The following FABP5 variants were observed in gnomAD, a reference collection of about 807,000 sequenced individuals.
The protein encoded by FABP5 is fatty acid-binding protein 5.
In FABP5, 7 loss-of-function variants were observed where a neutral mutation model predicts 16.9. The observed-to-expected ratio is 0.41, with a 90% CI of 0.24 to 0.78. The LOEUF is 0.78. Ranked by LOEUF, FABP5 falls within the 30% of genes least tolerant of loss-of-function variation. The probability of loss-of-function intolerance (pLI) is 0.30; values close to 1 mark genes in which losing one functional copy is unlikely to be tolerated. For missense variants in FABP5, 119 were observed against 159.5 expected (o/e 0.75, Z 1.37); for synonymous variants, 37 against 52.8 (o/e 0.70, Z 1.30).
chr8:81,280,584 C>T lies in FABP5; in HGVS notation c.-12C>T, dbSNP rs1391037280. Reference sequence around the variant, plus strand: ...AGACCCCTCTCTGCACGCCAGCCCGCCCGCACCCACCATGGCCACAGTTCA... The same window carrying T: ...AGACCCCTCTCTGCACGCCAGCCCGTCCGCACCCACCATGGCCACAGTTCA... On this transcript the variant is annotated 5_prime_UTR_variant, in exon 1 of 4. Coordinates refer to ENST00000297258, the MANE Select transcript of FABP5 (RefSeq NM_001444.3). 1 of 1,552,174 alleles carries T rather than the reference C, an allele frequency of 6.4e-7. No homozygotes were observed.
rs1190690497 is a variant in FABP5 at position 81,283,924 on chromosome 8, G to A, written c.304G>A (p.Gly102Arg). 6.2e-7 allele frequency: 1 copy of A among 1,612,496 alleles called. No individual in the cohort carries two copies. Among genetic ancestry groups the A allele is most frequent in the Non-Finnish European group, 8.5e-7 (1 of 1,179,316 alleles). The change falls in exon 3 of 4, where the codon GGG becomes AGG. Residue 102 changes from glycine to arginine, a missense_variant. Gly to Arg is a moderately radical substitution (Grantham distance 125). Transcript: ENST00000297258. ...GALVQHQEWD[G>R]KESTITRKLK... is the part of the protein sequence containing the mutation. ...ATTGGTTCAGCATCAGGAGTGGGAT[G>A]GGAAGGAAAGCACAATAACAAGAAA... is the stretch of plus-strand genomic sequence containing the variant.
chr8:81,280,951 T>G (rs1807819251), intron 1 of FABP5: 1 of 415,782 alleles, frequency 2.4e-6, no homozygotes, highest in Admixed American at 3.9e-5. Flanking sequence ...TCTGCTTCTT[T>G]CCCTTCGCCC....
intron 1 of FABP5, among the ~76,000 whole-genome samples, chr8:81,282,805 A>G (rs1807852911): frequency 1.3e-5 from 2 of 152,152 alleles, no homozygotes; most frequent in Non-Finnish European, 2.9e-5. Context: ...TGTGTAGTCT[A>G]TTAATCAAAT....
Position 81,281,663 on chromosome 8 carries a change from A to C in FABP5, c.79+989A>C. 1.0e-6 allele frequency: 1 copy of C among 985,392 alleles called. No homozygotes were observed. The highest frequency in any genetic ancestry group is 1.2e-6 in the Non-Finnish European group (1 of 829,870). 61.0% of individuals were successfully genotyped at this position (985,392 alleles called of 1,614,324 possible). Reference sequence around the variant, plus strand: ...TCTTGAAGCGTTCCGAGGGAGAATGAATCTCAGTAGTAAGATTCATTTCTC... The same window carrying C: ...TCTTGAAGCGTTCCGAGGGAGAATGCATCTCAGTAGTAAGATTCATTTCTC... On this transcript the variant is annotated intron_variant, in intron 1 of 3. Coordinates refer to ENST00000297258, the MANE Select transcript of FABP5 (RefSeq NM_001444.3). The surrounding 1 kb of genome is among the most constrained non-coding windows in gnomAD (Gnocchi z 4.5).
In FABP5 at chr8:81,281,578, T is replaced by C; in HGVS notation, c.79+904T>C. On this transcript the variant is annotated intron_variant, in intron 1 of 3. Transcript: ENST00000297258. This position sits in a 1 kb window ranked among gnomAD's most constrained non-coding sequence, Gnocchi z 4.5. ...CTGGAAAACCGTAACAGAAACTGCC[T>C]GGCCCTCCTGCGGCTAACTGCATGC... 3.0e-6 allele frequency: 3 copies of C among 985,642 alleles called. No individual in the cohort carries two copies. The highest frequency in any genetic ancestry group is 3.6e-6 in the Non-Finnish European group (3 of 830,074). The allele number at this position is 985,642 out of a possible 1,614,324, so 61.1% of individuals were successfully genotyped here. A position where few individuals can be genotyped will look rare whatever the true frequency, so the allele number is the denominator to read the frequency against.
At chr8:81,283,253 A>G in intron 1 of FABP5, 113 bp from the exon 2 acceptor site, 1 of 882,938 alleles carries the variant, frequency 1.1e-6, no homozygotes, top group Non-Finnish European at 1.7e-6. Flanking sequence ...GTTATCAATA[A>G]GCAAATAAGT....
intron 1 of FABP5, 55 bp downstream of exon 1, chr8:81,280,729 T>G (rs1286433439): frequency 6.8e-7 from 1 of 1,476,288 alleles, no homozygotes; most frequent in Admixed American, 2.0e-5. Flanking sequence ...CGGTCGTCTG[T>G]CCCTAGGTCC....
Position 81,283,397 on chromosome 8 carries a change from A to T in FABP5, c.111A>T (p.Ala37=), listed in dbSNP as rs932455840. The change falls in exon 2 of 4, where the codon GCA becomes GCT. Residue 37 remains alanine (A), a synonymous_variant. Transcript: ENST00000297258. The part of the protein sequence containing the change: ...GVGIALRKMG[A]MAKPDCIITC... Reference sequence around the variant, plus strand: ...GAATAGCTTTGCGAAAAATGGGCGCAATGGCCAAGCCAGATTGTATCATCA... The same window carrying T: ...GAATAGCTTTGCGAAAAATGGGCGCTATGGCCAAGCCAGATTGTATCATCA... The T allele has an allele frequency of 1.3e-6, 2 of 1,599,132 alleles. No individual in the cohort carries two copies. Among genetic ancestry groups the T allele is most frequent in the African/African-American group, 2.7e-5 (2 of 74,286 alleles).
intron 1 of FABP5, 95 bp downstream of exon 1, chr8:81,280,769 G>A (rs912314520): frequency 2.2e-5 from 26 of 1,196,270 alleles, no homozygotes; most frequent in Non-Finnish European, 2.6e-5. Context: ...TGGGGCAGGA[G>A]ATGCTCGGCG....
In FABP5 at chr8:81,284,506, T is replaced by C; in HGVS notation, c.355-8T>C. On this transcript the variant is annotated splice_region_variant and splice_polypyrimidine_tract_variant and intron_variant, in intron 3 of 3. Transcript: ENST00000297258. ...ACCTAACTCTTTTAATATCTTTCCTTCTTCTAGGAGTGTGTCATGAACAAT... is the reference window on the plus strand; with the variant it reads ...ACCTAACTCTTTTAATATCTTTCCTCCTTCTAGGAGTGTGTCATGAACAAT... The C allele has an allele frequency of 1.9e-6, 3 of 1,595,226 alleles. No homozygotes were observed. Among genetic ancestry groups the C allele is most frequent in the South Asian group, 2.2e-5 (2 of 90,550 alleles).
At chr8:81,283,272 G>A (rs1211622150) in intron 1 of FABP5, 94 bp from the exon 2 acceptor site, 4 of 1,064,162 alleles carry the variant, frequency 3.8e-6, no homozygotes, top group Non-Finnish European at 5.4e-6. Context: ...GTGAAAATAT[G>A]CCGCACAAAG....
rs113175527 is a variant in FABP5 at position 81,283,222 on chromosome 8, G to A, written c.80-144G>A. ...TATATGTAAAGTGCTGGCTCATACCGTGGGATATATGTTTACAATAGTTAT... is the reference window on the plus strand; with the variant it reads ...TATATGTAAAGTGCTGGCTCATACCATGGGATATATGTTTACAATAGTTAT... On this transcript the variant is annotated intron_variant, in intron 1 of 3. Transcript: ENST00000297258. 310 of 663,832 alleles carry A rather than the reference G, an allele frequency of 4.7e-4. 1 individual carries two copies. The highest frequency in any genetic ancestry group is 4.4e-3 in the African/African-American group (237 of 53,972). The allele number at this position is 663,832 out of a possible 1,614,324, so 41.1% of individuals were successfully genotyped here.
In FABP5 at chr8:81,280,543, G is replaced by A. The variant is rs2131266554; in HGVS notation, c.-53G>A. The A allele has an allele frequency of 2.0e-6, 3 of 1,532,272 alleles. No homozygotes were observed. In the African/African-American group the frequency reaches 4.2e-5, roughly 21 times the overall value. The allele number at this position is 1,532,272 out of a possible 1,614,324, so 94.9% of individuals were successfully genotyped here. A position where few individuals can be genotyped will look rare whatever the true frequency, so the allele number is the denominator to read the frequency against. ...GCCGGCGCCGGGTGCCTCACAGCAC[G>A]CTGCCACGCCGACGCAGACCCCTCT... On this transcript the variant is annotated 5_prime_UTR_variant, in exon 1 of 4. Transcript: ENST00000297258.
rs899760932 is a variant in FABP5, at chr8:81,281,698, A to G, written c.79+1024A>G. The G allele has an allele frequency of 2.2e-4, 220 of 980,848 alleles. No homozygotes were observed. The highest frequency in any genetic ancestry group is 2.6e-4 in the Non-Finnish European group (217 of 825,834). The allele number at this position is 980,848 out of a possible 1,614,324, so 60.8% of individuals were successfully genotyped here. A position where few individuals can be genotyped will look rare whatever the true frequency, so the allele number is the denominator to read the frequency against. On this transcript the variant is annotated intron_variant, in intron 1 of 3. Transcript: ENST00000297258. The surrounding 1 kb of genome is among the most constrained non-coding windows in gnomAD (Gnocchi z 4.5). ...GTAAGATTCATTTCTCACTCAAAAC[A>G]GTGCTTCATTATAAATTACTGTCCT...
chr8:81,282,437 A>G (rs1807845948), intron 1 of FABP5, among the ~76,000 whole-genome samples: 1 of 152,182 alleles, frequency 6.6e-6, no homozygotes, highest in African/African-American at 2.4e-5. Context: ...GAAGGCTCCA[A>G]GGGGAACTTT....
chr8:81,284,332 C>T, intron 3 of FABP5, 182 bp from the exon 4 acceptor site: 1 of 555,916 alleles, frequency 1.8e-6, no homozygotes. Context: ...GTAAAACATG[C>T]ATATTATAAG....
In FABP5 at chr8:81,284,411, AGATTACGT is replaced by A. The variant is rs527580690; in HGVS notation, c.355-98_355-91del. ...AAGAAATTTTCTCCATCTATGAAGT[AGATTACGT>A]GATTTCGTGGGACTTTGATTCTAAT... On this transcript the variant is annotated intron_variant, in intron 3 of 3. Transcript: ENST00000297258. 223 of 739,420 alleles carry A rather than the reference AGATTACGT, an allele frequency of 3.0e-4. 4 individuals carry two copies. The South Asian group carries it at 3.6e-3, about 12-fold the overall frequency. The allele number at this position is 739,420 out of a possible 1,614,324, so 45.8% of individuals were successfully genotyped here. A position where few individuals can be genotyped will look rare whatever the true frequency, so the allele number is the denominator to read the frequency against.
chr8:81,282,166 C>G (rs1025928648), intron 1 of FABP5, among the ~76,000 whole-genome samples: 1 of 77,454 alleles, frequency 1.3e-5, no homozygotes, highest in East Asian at 4.4e-4. Flanking sequence ...CAATAAATAA[C>G]AGTGTGTGTG....
chr8:81,281,438 G>A lies in FABP5; in HGVS notation c.79+764G>A, dbSNP rs1807829705. On this transcript the variant is annotated intron_variant, in intron 1 of 3. Coordinates refer to ENST00000297258, the MANE Select transcript of FABP5 (RefSeq NM_001444.3). The surrounding 1 kb of genome is among the most constrained non-coding windows in gnomAD (Gnocchi z 4.5). ...GCTGCTGGCACTGCCGGGCCGGGGCGCCGCAGTGGGCGGGTGGCCTGTGGG... is the reference window on the plus strand; with the variant it reads ...GCTGCTGGCACTGCCGGGCCGGGGCACCGCAGTGGGCGGGTGGCCTGTGGG... The A allele has an allele frequency of 1.4e-5, 14 of 986,114 alleles. No individual in the cohort carries two copies. Among genetic ancestry groups the A allele is most frequent in the Non-Finnish European group, 1.6e-5 (13 of 830,588 alleles). The allele number at this position is 986,114 out of a possible 1,614,324, so 61.1% of individuals were successfully genotyped here.
Sources: allele counts gnomAD v4.1 joint callset (sites outside exome capture counted in the v4.1 genomes callset), GRCh38; gene constraint gnomAD v4.1.1; non-coding constraint Gnocchi (gnomAD v3.1); transcripts MANE v1.5; gene names NCBI Gene and HGNC (gene_info 2026-07-23, HGNC 2026-07-21).